Variants in ZNF133 observed in about 807,000 individuals in gnomAD.
ZNF133 encodes zinc finger protein 133 (clone pHZ-13).
ZNF133 carries 26 observed loss-of-function variants against 54.9 expected under a neutral mutation model. The ratio of observed to expected loss-of-function variants is 0.47; its 90% CI spans 0.35 to 0.66. The LOEUF (loss-of-function observed/expected upper bound fraction) is 0.66. ZNF133 is among the 30% of genes least tolerant of loss of function. The probability of loss-of-function intolerance (pLI) is 0.01; values close to 1 mark genes in which losing one functional copy is unlikely to be tolerated. For synonymous variants in ZNF133, 298 were observed against 320.3 expected (o/e 0.93, Z 0.74); for missense variants, 653 against 820.8 (o/e 0.80, Z 2.50).
Position 18,315,112 on chromosome 20 carries a change from G to A in ZNF133, c.261G>A (p.Pro87=), listed in dbSNP as rs147494167. ...PELYLDPFCP[P]GFSSQKFPMQ... ...TCTACCTCGATCCTTTCTGCCCTCC[G>A]GGTTTCTCCAGTCAGAAATTCCCCA... Residue 87 remains proline (P), a synonymous_variant, in exon 7 of 7, where the codon CCG becomes CCA. Coordinates refer to ENST00000425686, the MANE Select transcript of ZNF133 (RefSeq NM_001352452.2). The A allele has an allele frequency of 6.8e-5, 107 of 1,565,442 alleles. No individual in the cohort carries two copies. Among genetic ancestry groups the A allele is most frequent in the Non-Finnish European group, 8.7e-5 (100 of 1,155,828 alleles).
chr20:18,296,664 C>A (rs1666781440), intron 1 of ZNF133, among the ~76,000 whole-genome samples: 1 of 152,182 alleles, frequency 6.6e-6, no homozygotes, highest in Admixed American at 6.5e-5. Context: ...TTCATTCATC[C>A]ATTGTAAGCA....
chr20:18,312,936 C>T (rs1002238512), intron 6 of ZNF133: 5 of 152,278 alleles, frequency 3.3e-5, no homozygotes, highest in Non-Finnish European at 7.3e-5. Flanking sequence ...TCTCAAATTC[C>T]TGACCTCAAG....
intron 1 of ZNF133, 32 bp from the exon 2 acceptor site, chr20:18,297,953 G>A: frequency 1.4e-6 from 2 of 1,418,664 alleles, no homozygotes; most frequent in South Asian, 1.2e-5. Context: ...ATTTCTACCT[G>A]ACACCCTCCC....
chr20:18,310,666 AGAAT>A (rs1434963802), intron 6 of ZNF133, among the ~76,000 whole-genome samples: 1 of 151,982 alleles, frequency 6.6e-6, no homozygotes, highest in Non-Finnish European at 1.5e-5. Flanking sequence ...TCACATAGAA[AGAAT>A]AAGTTCAAGA....
chr20:18,294,663 G>C (rs1478137350), intron 1 of ZNF133, among the ~76,000 whole-genome samples: 1 of 152,066 alleles, frequency 6.6e-6, no homozygotes, highest in Non-Finnish European at 1.5e-5. Context: ...TTGAGTTTTT[G>C]TTTTGTTTTT....
At chr20:18,291,727 A>G (rs1251052665) in intron 1 of ZNF133, among the ~76,000 whole-genome samples, 1 of 91,786 alleles carries the variant, frequency 1.1e-5, no homozygotes, top group Non-Finnish European at 2.4e-5. Flanking sequence ...TTTTTTTTTT[A>G]GTGAGACAGG....
intron 6 of ZNF133, chr20:18,314,818 T>C (rs546070992): frequency 2.5e-6 from 1 of 407,858 alleles, no homozygotes; most frequent in Non-Finnish European, 4.3e-6. Flanking sequence ...CTGGCCCTAT[T>C]TACACACCCA....
intron 6 of ZNF133, among the ~76,000 whole-genome samples, chr20:18,308,113 A>G (rs1177652001): frequency 6.6e-6 from 1 of 152,176 alleles, no homozygotes; most frequent in Non-Finnish European, 1.5e-5. Flanking sequence ...GGAGGGTTGG[A>G]CAAGGGGCTG....
intron 3 of ZNF133, among the ~76,000 whole-genome samples, chr20:18,301,212 T>G (rs939690616): frequency 2.0e-5 from 3 of 152,160 alleles, no homozygotes; most frequent in Admixed American, 1.3e-4. Context: ...CAAGGGAAAT[T>G]AGACCATACT....
chr20:18,306,262 A>G (rs1485006246), intron 5 of ZNF133, 36 bp from the exon 6 acceptor site: 1 of 1,589,990 alleles, frequency 6.3e-7, no homozygotes, highest in South Asian at 1.1e-5. Context: ...TCTTGAGCCC[A>G]TAACCTAGTT....
intron 3 of ZNF133, among the ~76,000 whole-genome samples, chr20:18,299,620 G>T (rs531812799): frequency 6.6e-6 from 1 of 152,220 alleles, no homozygotes; most frequent in African/African-American, 2.4e-5. Flanking sequence ...ACCTCAAAAG[G>T]ACTCACACTG....
At chr20:18,299,053 A>C (rs7354443) in intron 3 of ZNF133, among the ~76,000 whole-genome samples, 8 of 152,210 alleles carry the variant, frequency 5.3e-5, no homozygotes, top group African/African-American at 1.9e-4. Context: ...AAAAATCATA[A>C]GGCATACAAA....
At position 18,315,355 on chromosome 20, in the gene ZNF133, G is replaced by T; in HGVS notation, c.504G>T (p.Arg168Ser). 6.2e-7 allele frequency: 1 copy of T among 1,614,172 alleles called. No individual in the cohort carries two copies. The highest frequency in any genetic ancestry group is 8.5e-7 in the Non-Finnish European group (1 of 1,180,038). ...AAAGGACTCTGGGAGCGTTCTCCAG[G>T]CCACCCCAGAGGCAGCCAGTCAGCT... ...TKKRTLGAFS[R>S]PPQRQPVSSR... Residue 168 changes from arginine to serine, a missense_variant, in exon 7 of 7, where the codon AGG (arginine) becomes AGT (serine). Arg to Ser is a moderately radical substitution (Grantham distance 110). Transcript: ENST00000425686.
intron 6 of ZNF133, among the ~76,000 whole-genome samples, chr20:18,312,467 T>C (rs1233978638): frequency 6.6e-6 from 1 of 152,272 alleles, no homozygotes; most frequent in East Asian, 1.9e-4. Context: ...TTGCAGGCTT[T>C]ATCTTACTTT....
intron 6 of ZNF133, chr20:18,310,120 C>T (rs537169905): frequency 6.1e-5 from 79 of 1,297,802 alleles, no homozygotes; most frequent in African/African-American, 5.8e-4. Flanking sequence ...TGTCTTAAAG[C>T]GAAACCTATC....
chr20:18,305,475 G>A lies in ZNF133; in HGVS notation c.-6-206G>A, dbSNP rs908938232. On this transcript the variant is annotated intron_variant, in intron 4 of 6. Transcript: ENST00000425686. This position sits in a 1 kb window ranked among gnomAD's most constrained non-coding sequence, Gnocchi z 4.7. ...ATTTTGTGCACATATACCCTGTGTGGCCCCCCAGGATCTTGACTGTATGGG... is the reference window on the plus strand; with the variant it reads ...ATTTTGTGCACATATACCCTGTGTGACCCCCCAGGATCTTGACTGTATGGG... Among the ~76,000 whole-genome samples the A allele has an allele frequency of 2.0e-5, 3 of 152,062 alleles. No homozygotes were observed. The highest frequency in any genetic ancestry group is 6.6e-5 in the Admixed American group (1 of 15,250).
intron 1 of ZNF133, among the ~76,000 whole-genome samples, chr20:18,288,945 C>G (rs2040256360): frequency 6.6e-6 from 1 of 152,046 alleles, no homozygotes; most frequent in East Asian, 1.9e-4. Context: ...GTCGCTGATG[C>G]CATAAGTCCC....
At chr20:18,292,007 T>C (rs1283351208) in intron 1 of ZNF133, among the ~76,000 whole-genome samples, 1 of 152,216 alleles carries the variant, frequency 6.6e-6, no homozygotes, top group African/African-American at 2.4e-5. Context: ...ATTTCAGCTC[T>C]TTCCTTCAGA....
intron 3 of ZNF133, among the ~76,000 whole-genome samples, chr20:18,302,472 G>C (rs2043601758): frequency 6.6e-6 from 1 of 150,572 alleles, no homozygotes; most frequent in African/African-American, 2.4e-5. Flanking sequence ...AAAAACACAT[G>C]ATCATCTCAA....
Sources: gnomAD v4.1 joint callset for allele counts (sites outside exome capture counted in the v4.1 genomes callset) on GRCh38, gnomAD v4.1.1 for gene constraint, Gnocchi (gnomAD v3.1) non-coding constraint, MANE v1.5 for transcripts, NCBI Gene and HGNC (gene_info 2026-07-23, HGNC 2026-07-21) for gene names.